The following LYST variants were observed in gnomAD, a reference collection of about 807,000 sequenced individuals.
LYST encodes lysosomal trafficking regulator, also known as lysosomal-trafficking regulator.
A neutral mutation model predicts 413.6 loss-of-function variants in LYST; 192 were observed. That is an observed-to-expected ratio of 0.46 (90% CI 0.41 to 0.52). The LOEUF (loss-of-function observed/expected upper bound fraction) is 0.52. LYST is among the 20% of genes least tolerant of loss of function. The pLI is 0.00. For synonymous variants in LYST, 1,525 were observed against 1,567.3 expected, an observed-to-expected ratio of 0.97 and a Z score of 0.64; for missense variants, 3,815 against 4,499.9, an observed-to-expected ratio of 0.85 and a Z score of 4.35.
At chr1:235,750,852 T>C (rs866557681) in intron 28 of LYST, among the ~76,000 whole-genome samples, 4 of 152,214 alleles carry the variant, frequency 2.6e-5, no homozygotes, top group African/African-American at 9.6e-5. Context: ...GCTGGACACC[T>C]TTCTCAGAGA....
chr1:235,737,354 A>G (rs1212334044), intron 31 of LYST: 4 of 152,234 alleles, frequency 2.6e-5, no homozygotes, highest in Admixed American at 1.3e-4. Flanking sequence ...AGAAAAAGTG[A>G]AAGTATAAAC....
intron 26 of LYST, among the ~76,000 whole-genome samples, chr1:235,752,528 T>C (rs1666599089): frequency 6.6e-6 from 1 of 152,068 alleles, no homozygotes; most frequent in South Asian, 2.1e-4. Flanking sequence ...AGGATGAAGA[T>C]TGTGTGGGTA....
Position 235,714,174 on chromosome 1 carries a change from A to G in LYST, c.9784+1027T>C, listed in dbSNP as rs535546044. On this transcript the variant is annotated intron_variant, in intron 42 of 52. Transcript: ENST00000389793. ...GACAGGCTTGGAAACCACAGCAAAC[A>G]AGGATGGCTTAAACATTGGTTTTAA... 5.9e-5 allele frequency among the ~76,000 whole-genome samples: 9 copies of G among 152,330 alleles called. No individual in the cohort carries two copies. The East Asian group carries it at 1.7e-3, about 29-fold the overall frequency.
chr1:235,757,228 C>A (rs1158892818), intron 24 of LYST, 53 bp downstream of exon 24: 8 of 1,248,168 alleles, frequency 6.4e-6, no homozygotes, highest in Non-Finnish European at 7.9e-6. Flanking sequence ...TTTTAAATTA[C>A]ATATATATTT....
At chr1:235,726,469 A>G (rs1222672669) in intron 38 of LYST, among the ~76,000 whole-genome samples, 1 of 152,158 alleles carries the variant, frequency 6.6e-6, no homozygotes. Flanking sequence ...TGCGCAAGGT[A>G]CTCTGCTAAG....
intron 48 of LYST, among the ~76,000 whole-genome samples, chr1:235,682,125 CATAGTGGGA>C (rs920225507): frequency 6.6e-6 from 1 of 152,082 alleles, no homozygotes; most frequent in African/African-American, 2.4e-5. Context: ...GCCTGAGCAA[CATAGTGGGA>C]GCCCGTCTCT....
chr1:235,865,219 C>G (rs980071224), intron 1 of LYST, among the ~76,000 whole-genome samples: 6 of 152,174 alleles, frequency 3.9e-5, no homozygotes, highest in African/African-American at 1.4e-4. Flanking sequence ...TTACCCCTCA[C>G]TTACTTCTGG....
chr1:235,698,687 T>C (rs529809969), intron 45 of LYST, among the ~76,000 whole-genome samples: 23 of 152,134 alleles, frequency 1.5e-4, no homozygotes, highest in East Asian at 7.7e-4. Flanking sequence ...CTGGTTAACA[T>C]GGTGAAACCC....
chr1:235,684,604 C>G (rs1368939597), intron 48 of LYST, among the ~76,000 whole-genome samples: 1 of 152,146 alleles, frequency 6.6e-6, no homozygotes, highest in African/African-American at 2.4e-5. Flanking sequence ...CACTTATATT[C>G]TCTGCTTATA....
intron 3 of LYST, among the ~76,000 whole-genome samples, chr1:235,825,746 C>T (rs1675255622): frequency 6.6e-6 from 1 of 152,096 alleles, no homozygotes; most frequent in Non-Finnish European, 1.5e-5. Context: ...TGTTAAGTGT[C>T]AATTCTCTGT....
rs552153444 is a variant in LYST at position 235,667,913 on chromosome 1, C to T, written c.11039-3292G>A. Among the ~76,000 whole-genome samples, 16 of 152,170 alleles carry T rather than the reference C, an allele frequency of 1.1e-4. No individual in the cohort carries two copies. The South Asian group carries it at 2.9e-3, about 28-fold the overall frequency. The stretch of plus-strand genomic sequence containing the variant: ...TCCTGATCTCGTGATCTACCCACCT[C>T]GGCCTCCCAAAGTGCAGGGATTACA... On this transcript the variant is annotated intron_variant, in intron 50 of 52. Coordinates refer to ENST00000389793, the MANE Select transcript of LYST (RefSeq NM_000081.4).
At chr1:235,754,229 C>CTTTTTTTTTTTTTTTT (rs71576486) in intron 25 of LYST, among the ~76,000 whole-genome samples, 2 of 86,552 alleles carry the variant, frequency 2.3e-5, no homozygotes, top group African/African-American at 3.6e-5. Context: ...CTTTTCTTTT[C>CTTTTTTTTTTTTTTTT]TTTTTTTTTT....
intron 50 of LYST, among the ~76,000 whole-genome samples, chr1:235,671,209 A>T (rs529258443): frequency 2.8e-4 from 43 of 152,306 alleles, no homozygotes; most frequent in African/African-American, 1.0e-3. Context: ...AAGCGTTGGG[A>T]TTACAGGTGT....
chr1:235,770,434 C>A, intron 19 of LYST, 137 bp from the exon 20 acceptor site: 1 of 838,638 alleles, frequency 1.2e-6, no homozygotes, highest in Admixed American at 2.0e-5. Context: ...TGCAAAAAGC[C>A]AATGTTAAAA....
chr1:235,773,816 A>G, intron 19 of LYST, 26 bp downstream of exon 19: 1 of 1,600,994 alleles, frequency 6.2e-7, no homozygotes, highest in Non-Finnish European at 8.6e-7. Flanking sequence ...ACAATAAAAA[A>G]TGGAAAAAAA....
chr1:235,722,413 G>T (rs1663457575), intron 39 of LYST, among the ~76,000 whole-genome samples: 1 of 152,194 alleles, frequency 6.6e-6, no homozygotes, highest in Non-Finnish European at 1.5e-5. Flanking sequence ...GTAGTGAAGG[G>T]ACTGGAGGTC....
intron 38 of LYST, among the ~76,000 whole-genome samples, chr1:235,725,365 C>T (rs957165363): frequency 2.2e-4 from 34 of 151,970 alleles, no homozygotes; most frequent in Middle Eastern, 3.4e-3. Flanking sequence ...ACCCAGGAGG[C>T]GGAGGTTTTG....
At chr1:235,849,725 G>A (rs569995403) in intron 1 of LYST, among the ~76,000 whole-genome samples, 60 of 138,866 alleles carry the variant, frequency 4.3e-4, no homozygotes, top group African/African-American at 1.6e-3. Context: ...CACCAACAGC[G>A]ACCAAGTGGA....
intron 3 of LYST, among the ~76,000 whole-genome samples, chr1:235,815,071 C>A (rs373446522): frequency 6.6e-6 from 1 of 152,208 alleles, no homozygotes; most frequent in Non-Finnish European, 1.5e-5. Flanking sequence ...TAACACCCTA[C>A]CTGCTTCCCT....
Sources: allele counts gnomAD v4.1 joint callset (sites outside exome capture counted in the v4.1 genomes callset), GRCh38; gene constraint gnomAD v4.1.1; transcripts MANE v1.5; gene names NCBI Gene and HGNC (gene_info 2026-07-23, HGNC 2026-07-21).